The following UXS1 variants were observed in gnomAD, a reference collection of about 807,000 sequenced individuals.
UXS1 encodes the protein UDP-glucuronate decarboxylase 1, also known as UDP-glucuronic acid decarboxylase 1.
Under a neutral mutation model 62.6 loss-of-function variants are expected in UXS1, and 33 were observed. The ratio of observed to expected loss-of-function variants is 0.53; its 90% CI spans 0.40 to 0.70. UXS1 has a LOEUF of 0.70. UXS1 is among the 30% of genes least tolerant of loss of function. UXS1 has a pLI of 0.00. For missense variants in UXS1, 434 were observed against 556.3 expected, an observed-to-expected ratio of 0.78 and a Z score of 2.21; for synonymous variants, 213 against 206.8, an observed-to-expected ratio of 1.03 and a Z score of -0.26.
intron 4 of UXS1, chr2:106,160,693 C>T (rs764489911): frequency 1.3e-5 from 2 of 152,156 alleles, no homozygotes; most frequent in African/African-American, 2.4e-5. Flanking sequence ...ACGGCCAAAC[C>T]GTTTTATTAC....
At chr2:106,168,697 C>T (rs1372005550) in intron 1 of UXS1, among the ~76,000 whole-genome samples, 1 of 152,080 alleles carries the variant, frequency 6.6e-6, no homozygotes, top group East Asian at 1.9e-4. Flanking sequence ...TAATCACACA[C>T]ACAAAAAAGG....
At chr2:106,130,204 G>A (rs868706689) in intron 6 of UXS1, among the ~76,000 whole-genome samples, 5 of 151,794 alleles carry the variant, frequency 3.3e-5, no homozygotes, top group Non-Finnish European at 5.9e-5. Context: ...GTAGCCTCTC[G>A]TTTGTTTTTA....
At chr2:106,112,863 C>T (rs796106610) in intron 9 of UXS1, 98 bp from the exon 10 acceptor site, 10 of 1,473,126 alleles carry the variant, frequency 6.8e-6, no homozygotes, top group African/African-American at 5.6e-5. Flanking sequence ...AGAATGGAAA[C>T]GTTCTGCTTT....
chr2:106,162,827 G>GT (rs1682982082), intron 4 of UXS1, among the ~76,000 whole-genome samples: 1 of 152,168 alleles, frequency 6.6e-6, no homozygotes, highest in Admixed American at 6.5e-5. Flanking sequence ...TTCTCCAGTC[G>GT]TATTTCCCTT....
intron 14 of UXS1, among the ~76,000 whole-genome samples, chr2:106,095,668 G>A (rs553328347): frequency 5.3e-5 from 8 of 152,304 alleles, no homozygotes; most frequent in Admixed American, 2.0e-4. Context: ...TACACTACAC[G>A]CCTCTGCCCG....
At chr2:106,102,781 C>T (rs1245758605) in intron 11 of UXS1, 1 of 152,126 alleles carries the variant, frequency 6.6e-6, no homozygotes, top group Non-Finnish European at 1.5e-5. Context: ...TGAAAAACAT[C>T]AAAACTTTGG....
intron 6 of UXS1, among the ~76,000 whole-genome samples, chr2:106,140,692 T>C (rs1681029432): frequency 6.6e-6 from 1 of 152,052 alleles, no homozygotes; most frequent in Non-Finnish European, 1.5e-5. Flanking sequence ...CGCACGGGTA[T>C]TGACATAATT....
chr2:106,158,124 T>TAATA lies in UXS1; in HGVS notation c.231-10_231-7dup. 1 of 1,555,968 alleles carries TAATA rather than the reference T, an allele frequency of 6.4e-7. No homozygotes were observed. Among genetic ancestry groups the TAATA allele is most frequent in the Non-Finnish European group, 8.7e-7 (1 of 1,147,978 alleles). Reference sequence around the variant, plus strand: ...GTGGGTATTTCTGGGTAAAGCTGTATAATATAAAGAGATTCAAAAGGAAAA... The same window carrying TAATA: ...GTGGGTATTTCTGGGTAAAGCTGTATAATAAATATAAAGAGATTCAAAAGGAAAA... On this transcript the variant is annotated splice_region_variant and splice_polypyrimidine_tract_variant and intron_variant, in intron 4 of 14. Transcript: ENST00000283148.
At chr2:106,160,420 G>A (rs1470239) in intron 4 of UXS1, 151,658 of 152,324 alleles carry the variant, frequency 1, 75,498 homozygotes, top group East Asian at 1. Context: ...TCTGACTCAT[G>A]ACTTCCCCTC....
chr2:106,191,599 G>C (rs1170041730), intron 1 of UXS1, among the ~76,000 whole-genome samples: 2 of 152,210 alleles, frequency 1.3e-5, no homozygotes, highest in Non-Finnish European at 2.9e-5. Context: ...TGCCTGCTCT[G>C]GCCCCTGTCT....
chr2:106,107,386 C>T (rs1678174570), intron 10 of UXS1, among the ~76,000 whole-genome samples: 1 of 152,224 alleles, frequency 6.6e-6, no homozygotes, highest in Non-Finnish European at 1.5e-5. Flanking sequence ...CAGCGGTGTC[C>T]ACTCACACAC....
At chr2:106,109,199 A>G (rs1678371979) in intron 10 of UXS1, among the ~76,000 whole-genome samples, 1 of 152,048 alleles carries the variant, frequency 6.6e-6, no homozygotes, top group South Asian at 2.1e-4. Context: ...ATCCCACTGC[A>G]GTGATCCGTA....
intron 8 of UXS1, among the ~76,000 whole-genome samples, chr2:106,124,769 GACA>G (rs1328550213): frequency 6.6e-6 from 1 of 152,128 alleles, no homozygotes; most frequent in Non-Finnish European, 1.5e-5. Context: ...CAAAAAAGTA[GACA>G]ATGAACTACC....
chr2:106,187,892 C>T (rs963321065), intron 1 of UXS1, among the ~76,000 whole-genome samples: 1 of 152,160 alleles, frequency 6.6e-6, no homozygotes, highest in African/African-American at 2.4e-5. Flanking sequence ...AGGCGCCCGC[C>T]ACCATGCCCA....
intron 12 of UXS1, 54 bp downstream of exon 12, chr2:106,101,004 C>T: frequency 6.2e-7 from 1 of 1,607,512 alleles, no homozygotes; most frequent in African/African-American, 1.3e-5. Context: ...CATGGTTTCA[C>T]AAATGAACGA....
rs918300469 is a variant in UXS1 at position 106,145,385 on chromosome 2, C to T, written c.292-15G>A. ...CCTCCTGTTATCTGCATCCGGACAG[C>T]GTGTGCAGAGCATTCCCAGAAAAAG... On this transcript the variant is annotated splice_polypyrimidine_tract_variant and intron_variant, in intron 5 of 14. Transcript: ENST00000283148. 5.0e-6 allele frequency: 8 copies of T among 1,605,214 alleles called. No individual in the cohort carries two copies. In the Admixed American group the frequency reaches 5.1e-5, roughly 10 times the overall value.
intron 5 of UXS1, 127 bp downstream of exon 5, chr2:106,157,931 G>T: frequency 1.2e-6 from 1 of 827,142 alleles, no homozygotes; most frequent in Non-Finnish European, 1.9e-6. Flanking sequence ...TGCTAACTCT[G>T]TGGACATACT....
At chr2:106,189,648 G>C (rs1405435956) in intron 1 of UXS1, among the ~76,000 whole-genome samples, 1 of 151,954 alleles carries the variant, frequency 6.6e-6, no homozygotes. Context: ...CAGGGGGCTG[G>C]ACATGTGTGG....
intron 8 of UXS1, among the ~76,000 whole-genome samples, chr2:106,123,843 T>C (rs1011481749): frequency 6.6e-6 from 1 of 152,216 alleles, no homozygotes; most frequent in Admixed American, 6.5e-5. Flanking sequence ...ATATAAAATG[T>C]ATAAGTCTTT....
Sources: gnomAD v4.1 joint callset for allele counts (sites outside exome capture counted in the v4.1 genomes callset) on GRCh38, gnomAD v4.1.1 for gene constraint, MANE v1.5 for transcripts, NCBI Gene and HGNC (gene_info 2026-07-23, HGNC 2026-07-21) for gene names.